NBAS: variants seen among roughly 807,000 people sequenced by gnomAD.
The protein encoded by NBAS is NAG/BC035112 fusion.
A neutral mutation model predicts 302.5 loss-of-function variants in NBAS; 219 were observed. That is an observed-to-expected ratio of 0.72 (90% CI 0.65 to 0.81). The LOEUF is 0.81. Among genes scored for constraint, NBAS ranks in the 30% least tolerant of loss-of-function variants. The pLI is 0.00. For missense variants in NBAS, 2,932 were observed against 2,841.6 expected, an observed-to-expected ratio of 1.03 and a Z score of -0.72; for synonymous variants, 1,118 against 1,021.6, an observed-to-expected ratio of 1.09 and a Z score of -1.80.
intron 41 of NBAS, 113 bp downstream of exon 41, chr2:15,292,424 A>G: frequency 8.7e-7 from 1 of 1,143,178 alleles, no homozygotes; most frequent in Non-Finnish European, 1.3e-6. Flanking sequence ...AGCCCTATTC[A>G]TAGCAACCAT....
chr2:15,497,965 A>T (rs1681130484), intron 11 of NBAS, among the ~76,000 whole-genome samples: 1 of 152,216 alleles, frequency 6.6e-6, no homozygotes. Flanking sequence ...TATGTTTTTA[A>T]AAGCTTATCT....
the NBAS span, among the ~76,000 whole-genome samples, chr2:14,990,092 G>T: frequency 1.3e-5 from 2 of 150,366 alleles, no homozygotes; most frequent in Non-Finnish European, 1.5e-5. Flanking sequence ...AATTTTAAAT[G>T]ACCCCATTTC....
chr2:15,240,319 G>A (rs951965079), intron 44 of NBAS, among the ~76,000 whole-genome samples: 1 of 151,794 alleles, frequency 6.6e-6, no homozygotes, highest in African/African-American at 2.4e-5. Flanking sequence ...ACAGAGTTAT[G>A]ACTTTAAAAT....
chr2:14,927,137 C>A, the NBAS span, among the ~76,000 whole-genome samples: 1 of 152,226 alleles, frequency 6.6e-6, no homozygotes. Flanking sequence ...GGTTTCCCAG[C>A]AGATGGCCTT....
At chr2:15,255,147 T>C (rs558898343) in intron 44 of NBAS, among the ~76,000 whole-genome samples, 3 of 152,342 alleles carry the variant, frequency 2.0e-5, no homozygotes, top group East Asian at 1.9e-4. Context: ...CCAGTACTGT[T>C]TTCCATAGTG....
chr2:15,543,904 T>C (rs115021657), intron 6 of NBAS, among the ~76,000 whole-genome samples: 1,857 of 152,346 alleles, frequency 0.012, 34 homozygotes, highest in African/African-American at 0.043. Context: ...GCTGTGTCTA[T>C]TTTGTTCATA....
At chr2:15,233,274 T>C (rs1667454350) in intron 46 of NBAS, among the ~76,000 whole-genome samples, 1 of 152,206 alleles carries the variant, frequency 6.6e-6, no homozygotes, top group South Asian at 2.1e-4. Flanking sequence ...TCACATTTAT[T>C]GAATGTCTTC....
At chr2:15,054,239 C>T in the NBAS span, among the ~76,000 whole-genome samples, 11 of 152,204 alleles carry the variant, frequency 7.2e-5, 1 homozygote, top group Admixed American at 7.2e-4. Context: ...TAAGGAAAGC[C>T]ATGTGCAGAG....
the NBAS span, among the ~76,000 whole-genome samples, chr2:15,084,584 A>C: frequency 3.3e-5 from 5 of 152,042 alleles, no homozygotes; most frequent in Admixed American, 2.6e-4. Flanking sequence ...ATAAGGTGAA[A>C]CACTGATTCC....
chr2:14,787,951 A>T, the NBAS span, among the ~76,000 whole-genome samples: 1 of 152,290 alleles, frequency 6.6e-6, no homozygotes, highest in South Asian at 2.1e-4. Flanking sequence ...TGTCACTTTC[A>T]GGTACACCAA....
rs188657197 is a variant in NBAS, at chr2:15,392,838, G to A, written c.3257+1389C>T. ...CTTTGGGGGAAAAAAAACAAAGCTG[G>A]GAGACTAATGTTACCTAATTTCAAT... On this transcript the variant is annotated intron_variant, in intron 28 of 51. Transcript: ENST00000281513. Among the ~76,000 whole-genome samples, 155 of 151,950 alleles carry A rather than the reference G, an allele frequency of 1.0e-3. No homozygotes were observed. In the South Asian group the frequency reaches 0.01, roughly 10 times the overall value.
chr2:15,025,178 C>A, the NBAS span, among the ~76,000 whole-genome samples: 49,032 of 152,098 alleles, frequency 0.32, 8,043 homozygotes, highest in South Asian at 0.35. Flanking sequence ...CAATCTTCTG[C>A]GTATAGCTAG....
intron 42 of NBAS, among the ~76,000 whole-genome samples, chr2:15,281,903 C>T (rs1669843204): frequency 6.6e-6 from 1 of 152,180 alleles, no homozygotes; most frequent in Non-Finnish European, 1.5e-5. Flanking sequence ...GAAGGAATCA[C>T]TTCCACTTTC....
At chr2:14,810,714 T>G in the NBAS span, among the ~76,000 whole-genome samples, 108 of 152,296 alleles carry the variant, frequency 7.1e-4, no homozygotes, top group Non-Finnish European at 1.1e-3. Context: ...CTTCCAGGGC[T>G]TTGTGAGGAT....
the NBAS span, among the ~76,000 whole-genome samples, chr2:14,862,854 G>A: frequency 2.6e-5 from 4 of 152,146 alleles, no homozygotes; most frequent in Non-Finnish European, 1.5e-5. Flanking sequence ...GCCTCCCACA[G>A]GGTAATTCAG....
chr2:15,469,693 T>C (rs936994527), intron 16 of NBAS, among the ~76,000 whole-genome samples: 23 of 151,998 alleles, frequency 1.5e-4, no homozygotes, highest in Middle Eastern at 3.2e-3. Context: ...TATAGGGACA[T>C]AGATGAAGCT....
intron 9 of NBAS, among the ~76,000 whole-genome samples, chr2:15,528,878 A>AAAAAAATAT (rs555894886): frequency 1.6e-5 from 2 of 121,546 alleles, no homozygotes; most frequent in South Asian, 4.9e-4. Context: ...AAAAAAAAAA[A>AAAAAAATAT]ATATATATAT....
intron 45 of NBAS, among the ~76,000 whole-genome samples, chr2:15,237,433 T>C (rs564202227): frequency 5.9e-5 from 9 of 152,156 alleles, no homozygotes; most frequent in African/African-American, 2.2e-4. Context: ...AATGAAATTA[T>C]ATTTTATGTT....
chr2:14,910,289 G>A, the NBAS span, among the ~76,000 whole-genome samples: 3 of 152,202 alleles, frequency 2.0e-5, no homozygotes, highest in African/African-American at 7.2e-5. Flanking sequence ...GTTGCCCAAA[G>A]TCACTCCACT....
Sources: allele counts gnomAD v4.1 joint callset (sites outside exome capture counted in the v4.1 genomes callset), GRCh38; gene constraint gnomAD v4.1.1; transcripts MANE v1.5; gene names NCBI Gene and HGNC (gene_info 2026-07-23, HGNC 2026-07-21).